The following CDH12 variants were observed in gnomAD, a reference collection of about 807,000 sequenced individuals.
CDH12 encodes the protein cadherin-12.
A neutral mutation model predicts 74.1 loss-of-function variants in CDH12; 41 were observed. The observed-to-expected ratio is 0.55, with a 90% CI of 0.43 to 0.72. The LOEUF (loss-of-function observed/expected upper bound fraction) is 0.72, where lower values mean the gene tolerates loss of function less well. Among genes scored for constraint, CDH12 ranks in the 30% least tolerant of loss-of-function variants. The pLI, the probability that CDH12 is intolerant of heterozygous loss-of-function variation, is 0.00. For synonymous variants in CDH12, 399 were observed against 355.0 expected (o/e 1.12, Z -1.39); for missense variants, 945 against 977.2 (o/e 0.97, Z 0.44).
At chr5:22,597,706 T>A (rs1217484409) in intron 1 of CDH12, among the ~76,000 whole-genome samples, 2 of 152,182 alleles carry the variant, frequency 1.3e-5, no homozygotes, top group Non-Finnish European at 1.5e-5. Flanking sequence ...TCAATAAATA[T>A]TTATTAAATA....
rs998407 is a variant in CDH12, at chr5:22,429,290, T to A, written c.-427-23939A>T. Among the ~76,000 whole-genome samples, 384 of 151,846 alleles carry A rather than the reference T, an allele frequency of 2.5e-3. 12 individuals are homozygous for A. In the East Asian group the frequency reaches 0.072, roughly 28 times the overall value. ...GGGACTACAGTCATGCACAACCACT[T>A]CTGGCTACTTTTGTTTTTTTGCATT... On this transcript the variant is annotated intron_variant, in intron 2 of 14. Coordinates refer to ENST00000382254, the MANE Select transcript of CDH12 (RefSeq NM_004061.5).
intron 1 of CDH12, among the ~76,000 whole-genome samples, chr5:22,519,145 T>C (rs1335927702): frequency 6.6e-6 from 1 of 152,046 alleles, no homozygotes; most frequent in Non-Finnish European, 1.5e-5. Flanking sequence ...GTACTGTGAG[T>C]CTTAGTTTGT....
At chr5:22,238,196 T>C (rs1035574977) in intron 3 of CDH12, among the ~76,000 whole-genome samples, 1 of 152,158 alleles carries the variant, frequency 6.6e-6, no homozygotes, top group African/African-American at 2.4e-5. Flanking sequence ...ACACCTGCTA[T>C]AACGGAGAAG....
At position 21,833,153 on chromosome 5, in the gene CDH12, TATA is replaced by T. The variant is rs1285504708; in HGVS notation, c.814+9005_814+9007del. Reference sequence around the variant, plus strand: ...TATTATAAATATATATTATATAACATATAATATATATTATATTATAAATATATA... The same window carrying T: ...TATTATAAATATATATTATATAACATATATATATTATATTATAAATATATA... On this transcript the variant is annotated intron_variant, in intron 8 of 14. Coordinates refer to ENST00000382254, the MANE Select transcript of CDH12 (RefSeq NM_004061.5). Among the ~76,000 whole-genome samples the T allele has an allele frequency of 6.8e-5, 4 of 58,898 alleles. 1 individual carries two copies. The highest frequency in any genetic ancestry group is 1.0e-4 in the Non-Finnish European group (4 of 38,394). The allele number at this position is 58,898 out of a possible 152,430, so 38.6% of individuals were successfully genotyped here.
intron 1 of CDH12, among the ~76,000 whole-genome samples, chr5:22,556,586 T>C (rs750696972): frequency 2.0e-5 from 3 of 152,100 alleles, no homozygotes; most frequent in Non-Finnish European, 4.4e-5. Flanking sequence ...TAGCACTTTT[T>C]AAAATATTGT....
chr5:21,928,018 G>C (rs928831971), intron 6 of CDH12, among the ~76,000 whole-genome samples: 1 of 151,762 alleles, frequency 6.6e-6, no homozygotes, highest in African/African-American at 2.4e-5. Flanking sequence ...CTTGCAATGA[G>C]CCCAGATCTC....
chr5:21,925,505 C>T (rs1404668857), intron 6 of CDH12, among the ~76,000 whole-genome samples: 1 of 151,978 alleles, frequency 6.6e-6, no homozygotes, highest in Non-Finnish European at 1.5e-5. Context: ...AATGTGTTAC[C>T]TATGTTTGAA....
intron 4 of CDH12, among the ~76,000 whole-genome samples, chr5:22,153,889 A>AAAT (rs1554015746): frequency 9.5e-4 from 40 of 42,034 alleles, no homozygotes; most frequent in South Asian, 4.2e-3. Context: ...TATATATATA[A>AAAT]ATATATATAT....
At chr5:22,113,823 T>G (rs897253695) in intron 4 of CDH12, among the ~76,000 whole-genome samples, 1 of 152,204 alleles carries the variant, frequency 6.6e-6, no homozygotes, top group Non-Finnish European at 1.5e-5. Context: ...TTTGCTTTAT[T>G]ATAATCTCCC....
At chr5:22,321,979 A>T (rs1231639275) in intron 3 of CDH12, among the ~76,000 whole-genome samples, 2 of 152,178 alleles carry the variant, frequency 1.3e-5, no homozygotes, top group African/African-American at 2.4e-5. Context: ...AGCAAATTCG[A>T]TATCTATTTC....
At chr5:22,061,246 T>A (rs1741168673) in intron 5 of CDH12, among the ~76,000 whole-genome samples, 1 of 152,174 alleles carries the variant, frequency 6.6e-6, no homozygotes, top group Non-Finnish European at 1.5e-5. Flanking sequence ...TAATAGTAAT[T>A]TCATATATTA....
chr5:22,586,432 A>G (rs1308826025), intron 1 of CDH12, among the ~76,000 whole-genome samples: 2 of 151,832 alleles, frequency 1.3e-5, no homozygotes, highest in Non-Finnish European at 2.9e-5. Flanking sequence ...GCACATGTAT[A>G]CATATGTAAC....
intron 4 of CDH12, among the ~76,000 whole-genome samples, chr5:22,114,914 G>T (rs1483176535): frequency 6.6e-6 from 1 of 152,140 alleles, no homozygotes; most frequent in Non-Finnish European, 1.5e-5. Context: ...CAACACAGAG[G>T]ATTTGAAAAC....
intron 2 of CDH12, among the ~76,000 whole-genome samples, chr5:22,438,074 C>T (rs769841400): frequency 2.9e-4 from 44 of 151,874 alleles, no homozygotes; most frequent in Non-Finnish European, 5.2e-4. Flanking sequence ...GAATCTATGG[C>T]AAATTTGGTG....
chr5:22,723,136 C>A (rs1188385072), intron 1 of CDH12, among the ~76,000 whole-genome samples: 1 of 152,116 alleles, frequency 6.6e-6, no homozygotes, highest in Non-Finnish European at 1.5e-5. Flanking sequence ...ATAAGGCTTT[C>A]ATTTTATAGT....
chr5:21,965,173 G>T (rs1016725515), intron 6 of CDH12, among the ~76,000 whole-genome samples: 1 of 151,952 alleles, frequency 6.6e-6, no homozygotes, highest in Non-Finnish European at 1.5e-5. Flanking sequence ...TAAAGAGTTT[G>T]GGGAAAATAG....
chr5:21,925,262 A>G (rs1409073186), intron 6 of CDH12, among the ~76,000 whole-genome samples: 1 of 152,232 alleles, frequency 6.6e-6, no homozygotes, highest in Non-Finnish European at 1.5e-5. Flanking sequence ...AATATATGCA[A>G]CAGTGGCTCT....
chr5:21,815,892 T>C (rs1748012682), intron 9 of CDH12, among the ~76,000 whole-genome samples: 1 of 152,156 alleles, frequency 6.6e-6, no homozygotes, highest in African/African-American at 2.4e-5. Flanking sequence ...TTGTCTATAT[T>C]TATAGCAATA....
chr5:22,780,911 C>T (rs1283693640), intron 1 of CDH12, among the ~76,000 whole-genome samples: 1 of 152,090 alleles, frequency 6.6e-6, no homozygotes, highest in Non-Finnish European at 1.5e-5. Context: ...AGGAACAGCT[C>T]ACTGTCAGCT....
Sources: allele counts gnomAD v4.1 joint callset (sites outside exome capture counted in the v4.1 genomes callset), GRCh38; gene constraint gnomAD v4.1.1; transcripts MANE v1.5; gene names NCBI Gene and HGNC (gene_info 2026-07-23, HGNC 2026-07-21).